Variants in MBNL2 observed in about 807,000 individuals in gnomAD.
MBNL2 encodes the protein muscleblind like splicing regulator 2, also known as muscleblind-like protein 2.
Under a neutral mutation model 41.9 loss-of-function variants are expected in MBNL2, and 17 were observed. The ratio of observed to expected loss-of-function variants is 0.41; its 90% confidence interval spans 0.28 to 0.61. MBNL2 has a LOEUF of 0.61. Among genes scored for constraint, MBNL2 ranks in the 20% least tolerant of loss-of-function variants. The pLI is 0.35. For missense variants in MBNL2, 336 were observed against 505.6 expected (o/e 0.66, Z 3.22); for synonymous variants, 195 against 182.9 (o/e 1.07, Z -0.53).
chr13:97,369,968 T>A (rs1009681416), intron 8 of MBNL2, among the ~76,000 whole-genome samples: 8 of 152,146 alleles, frequency 5.3e-5, no homozygotes, highest in Non-Finnish European at 7.4e-5. Context: ...AGTAATAATA[T>A]TATTATTATA....
In MBNL2 at chr13:97,356,778, G is replaced by T. The variant is rs751312794; in HGVS notation, c.805-18G>T. 2.6e-5 allele frequency: 35 copies of T among 1,358,220 alleles called. No homozygotes were observed. Among genetic ancestry groups the T allele is most frequent in the Admixed American group, 3.8e-5 (2 of 52,272 alleles). 84.1% of individuals were successfully genotyped at this position (1,358,220 alleles called of 1,614,324 possible). A position where few individuals can be genotyped will look rare whatever the true frequency, so the allele number is the denominator to read the frequency against. ...ATTGGCCCACTGCCATCATGTGCTC[G>T]CTGCCTGTTATTAAAAGACTCAGTC... is the stretch of plus-strand genomic sequence containing the variant. On this transcript the variant is annotated intron_variant, in intron 5 of 8. Coordinates refer to ENST00000679496, the MANE Select transcript of MBNL2 (RefSeq NM_001382683.1).
intron 8 of MBNL2, among the ~76,000 whole-genome samples, chr13:97,373,138 G>T (rs1214819149): frequency 6.6e-6 from 1 of 152,238 alleles, no homozygotes; most frequent in Middle Eastern, 3.4e-3. Context: ...TTGTGCCTGG[G>T]AACAGATTAC....
chr13:97,185,511 T>C, the MBNL2 span, among the ~76,000 whole-genome samples: 2 of 152,206 alleles, frequency 1.3e-5, no homozygotes, highest in African/African-American at 4.8e-5. Flanking sequence ...TTAGCCATAT[T>C]GAGCTCAATG....
At chr13:97,176,982 A>G in the MBNL2 span, among the ~76,000 whole-genome samples, 3 of 152,204 alleles carry the variant, frequency 2.0e-5, no homozygotes, top group Non-Finnish European at 2.9e-5. Context: ...GAATAAACAA[A>G]TGGTGAGAAA....
chr13:97,388,312 T>TAC (rs1367063349), intron 8 of MBNL2, among the ~76,000 whole-genome samples: 1 of 65,052 alleles, frequency 1.5e-5, no homozygotes, highest in African/African-American at 4.7e-5. Context: ...TATACATACA[T>TAC]ACATATATAT....
At chr13:97,170,316 A>G in the MBNL2 span, among the ~76,000 whole-genome samples, 1 of 152,346 alleles carries the variant, frequency 6.6e-6, no homozygotes, top group East Asian at 1.9e-4. Context: ...CACATGTGCT[A>G]TCTCATTTAA....
chr13:97,379,995 G>C (rs1045820209), intron 8 of MBNL2, among the ~76,000 whole-genome samples: 3 of 152,186 alleles, frequency 2.0e-5, no homozygotes, highest in Non-Finnish European at 4.4e-5. Context: ...GACAATGTCT[G>C]ATTGGACCTA....
In MBNL2 at chr13:97,392,884, A is replaced by AT. The variant is rs2066416330; in HGVS notation, c.*1439dup. 2 of 152,518 alleles carry AT rather than the reference A, an allele frequency of 1.3e-5. No homozygotes were observed. The highest frequency in any genetic ancestry group is 4.8e-5 in the African/African-American group (2 of 41,460). The allele number at this position is 152,518 out of a possible 1,614,324, so 9.4% of individuals were successfully genotyped here. ...TTGTGAACATATTAGTGATTGAAGT[A>AT]TTTTGACTTTTGAGATTGAATGTAA... On this transcript the variant is annotated 3_prime_UTR_variant, in exon 9 of 9. Coordinates refer to ENST00000679496, the MANE Select transcript of MBNL2 (RefSeq NM_001382683.1).
At chr13:97,173,921 G>T in the MBNL2 span, among the ~76,000 whole-genome samples, 7 of 152,180 alleles carry the variant, frequency 4.6e-5, no homozygotes, top group South Asian at 1.5e-3. Context: ...GCATTTCCAT[G>T]GAACTCCCTA....
Position 97,307,859 on chromosome 13 carries a change from G to A in MBNL2, c.175-26417G>A, listed in dbSNP as rs74103237. On this transcript the variant is annotated intron_variant, in intron 2 of 8. Coordinates refer to ENST00000679496, the MANE Select transcript of MBNL2 (RefSeq NM_001382683.1). Reference sequence around the variant, plus strand: ...TAGTGACTCCTCGAGGGCACGGATCGTATTTTCTGCTCCCTCTTCAAAATG... The same window carrying A: ...TAGTGACTCCTCGAGGGCACGGATCATATTTTCTGCTCCCTCTTCAAAATG... 1.5e-3 allele frequency among the ~76,000 whole-genome samples: 226 copies of A among 152,284 alleles called. 2 individuals are homozygous for A. The highest frequency in any genetic ancestry group is 5.1e-3 in the African/African-American group (210 of 41,566).
In MBNL2 at chr13:97,326,327, T is replaced by C. The variant is rs74106914; in HGVS notation, c.175-7949T>C. 8.2e-3 allele frequency among the ~76,000 whole-genome samples: 1,247 copies of C among 152,332 alleles called. 17 individuals are homozygous for C. The highest frequency in any genetic ancestry group is 0.029 in the African/African-American group (1,217 of 41,574). On this transcript the variant is annotated intron_variant, in intron 2 of 8. Coordinates refer to ENST00000679496, the MANE Select transcript of MBNL2 (RefSeq NM_001382683.1). The stretch of plus-strand genomic sequence containing the variant: ...TTATCCACCAGGCTACACTGCCAAA[T>C]ATTCCTTATATCATTCTAGGCATTT...
intron 1 of MBNL2, among the ~76,000 whole-genome samples, chr13:97,233,126 CATATATATATATATAT>C (rs376967986): frequency 0.011 from 425 of 39,776 alleles, 13 homozygotes; most frequent in Middle Eastern, 0.029. Flanking sequence ...GGCTCTTTTT[CATATATATATATATAT>C]ATATATATAT....
intron 2 of MBNL2, among the ~76,000 whole-genome samples, chr13:97,318,395 C>T (rs2059229965): frequency 6.6e-6 from 1 of 152,172 alleles, no homozygotes; most frequent in African/African-American, 2.4e-5. Flanking sequence ...CATTCATCTC[C>T]TCAGGCCTCA....
At chr13:97,166,964 A>C in the MBNL2 span, among the ~76,000 whole-genome samples, 1 of 152,296 alleles carries the variant, frequency 6.6e-6, no homozygotes, top group Non-Finnish European at 1.5e-5. Flanking sequence ...AAAACTCAAC[A>C]ACCTGAAATT....
At chr13:97,355,509 A>G (rs1299358308) in intron 5 of MBNL2, among the ~76,000 whole-genome samples, 1 of 152,144 alleles carries the variant, frequency 6.6e-6, no homozygotes, top group East Asian at 1.9e-4. Context: ...GGACTTACCT[A>G]TTGTGCTAAG....
At chr13:97,210,251 G>A in the MBNL2 span, among the ~76,000 whole-genome samples, 10 of 152,180 alleles carry the variant, frequency 6.6e-5, no homozygotes, top group African/African-American at 2.4e-5. Flanking sequence ...GGTTATAAAT[G>A]CTTAATTATG....
chr13:97,287,462 G>C (rs1477723994), intron 2 of MBNL2, among the ~76,000 whole-genome samples: 2 of 152,158 alleles, frequency 1.3e-5, no homozygotes, highest in South Asian at 2.1e-4. Flanking sequence ...ATAGTGATCA[G>C]ATCAGGGCAA....
chr13:97,370,436 G>A (rs945633034), intron 8 of MBNL2, among the ~76,000 whole-genome samples: 25 of 152,110 alleles, frequency 1.6e-4, no homozygotes, highest in Non-Finnish European at 2.8e-4. Context: ...TTGGAAGGCC[G>A]AGGTGGGCAG....
chr13:97,353,446 G>A (rs544609291), intron 5 of MBNL2, among the ~76,000 whole-genome samples: 31 of 152,182 alleles, frequency 2.0e-4, no homozygotes, highest in Non-Finnish European at 4.4e-4. Context: ...GTGATGAATA[G>A]AGTTAGAAGA....
Sources: gnomAD v4.1 joint callset for allele counts (sites outside exome capture counted in the v4.1 genomes callset) on GRCh38, gnomAD v4.1.1 for gene constraint, MANE v1.5 for transcripts, NCBI Gene and HGNC (gene_info 2026-07-23, HGNC 2026-07-21) for gene names.